Variants in IMMP2L observed in about 807,000 individuals in gnomAD.
IMMP2L encodes the protein inner mitochondrial membrane peptidase subunit 2, also known as mitochondrial inner membrane protease subunit 2.
IMMP2L carries 18 observed loss-of-function variants against 19.3 expected under a neutral mutation model. The ratio of observed to expected loss-of-function variants is 0.93; its 90% CI spans 0.64 to 1.38. The LOEUF (loss-of-function observed/expected upper bound fraction) is 1.38. IMMP2L is among the 40% of genes most tolerant of loss of function. IMMP2L has a pLI of 0.00. For synonymous variants in IMMP2L, 76 were observed against 73.0 expected, an observed-to-expected ratio of 1.04 and a Z score of -0.21; for missense variants, 233 against 218.2, an observed-to-expected ratio of 1.07 and a Z score of -0.43.
intron 3 of IMMP2L, among the ~76,000 whole-genome samples, chr7:111,381,345 T>C (rs1831187341): frequency 6.6e-6 from 1 of 152,010 alleles, no homozygotes; most frequent in South Asian, 2.1e-4. Context: ...AGAGCTACTT[T>C]AGTGAATATG....
intron 1 of IMMP2L, among the ~76,000 whole-genome samples, chr7:111,527,823 G>C (rs1354724211): frequency 2.0e-5 from 3 of 152,094 alleles, no homozygotes; most frequent in Non-Finnish European, 4.4e-5. Flanking sequence ...TTTTCTGAGA[G>C]ATTATAAAGG....
intron 2 of IMMP2L, among the ~76,000 whole-genome samples, chr7:111,497,512 A>G (rs751613520): frequency 3.4e-4 from 52 of 152,152 alleles, no homozygotes; most frequent in Non-Finnish European, 3.7e-4. Context: ...GGAAAAATAT[A>G]TATTTGGATA....
chr7:111,462,461 C>A (rs1036783163), intron 3 of IMMP2L, among the ~76,000 whole-genome samples: 1 of 151,972 alleles, frequency 6.6e-6, no homozygotes, highest in Non-Finnish European at 1.5e-5. Flanking sequence ...AATTAATGAT[C>A]AGGATATTAA....
chr7:111,140,174 A>G (rs1259616807), intron 3 of IMMP2L, among the ~76,000 whole-genome samples: 1 of 152,134 alleles, frequency 6.6e-6, no homozygotes, highest in Non-Finnish European at 1.5e-5. Flanking sequence ...AGAAGGAAAG[A>G]GGGAGACCAA....
intron 3 of IMMP2L, among the ~76,000 whole-genome samples, chr7:111,382,524 TA>T (rs936996534): frequency 6.6e-6 from 1 of 151,904 alleles, no homozygotes; most frequent in Non-Finnish European, 1.5e-5. Flanking sequence ...TTAACTATAA[TA>T]AAAAAATAAT....
chr7:111,179,818 A>T (rs1260092807), intron 3 of IMMP2L, among the ~76,000 whole-genome samples: 1 of 152,090 alleles, frequency 6.6e-6, no homozygotes, highest in Non-Finnish European at 1.5e-5. Flanking sequence ...TCTTCTGGAT[A>T]AATTGCTGTA....
At chr7:110,766,012 A>T (rs1008797866) in intron 5 of IMMP2L, among the ~76,000 whole-genome samples, 15 of 152,188 alleles carry the variant, frequency 9.9e-5, no homozygotes, top group African/African-American at 3.4e-4. Context: ...GACCACATAT[A>T]GCATGTTACA....
chr7:111,141,282 A>T (rs1802858513), intron 3 of IMMP2L, among the ~76,000 whole-genome samples: 1 of 152,150 alleles, frequency 6.6e-6, no homozygotes, highest in South Asian at 2.1e-4. Context: ...ACTACAAAGA[A>T]TGTGAATTTA....
chr7:111,359,989 A>T (rs1365524936), intron 3 of IMMP2L, among the ~76,000 whole-genome samples: 1 of 152,106 alleles, frequency 6.6e-6, no homozygotes, highest in Non-Finnish European at 1.5e-5. Context: ...ATAATAACCT[A>T]TTTGAATTTC....
chr7:111,196,862 A>G (rs1332367075), intron 3 of IMMP2L, among the ~76,000 whole-genome samples: 1 of 152,172 alleles, frequency 6.6e-6, no homozygotes, highest in Non-Finnish European at 1.5e-5. Context: ...AATATATCTT[A>G]GGCACGACTC....
At chr7:111,526,380 G>A (rs1846860602) in intron 1 of IMMP2L, among the ~76,000 whole-genome samples, 1 of 152,106 alleles carries the variant, frequency 6.6e-6, no homozygotes, top group South Asian at 2.1e-4. Context: ...TACCAAAAGA[G>A]GGAAGAAAGC....
chr7:111,469,860 C>T (rs1563231800), intron 3 of IMMP2L, among the ~76,000 whole-genome samples: 1 of 151,962 alleles, frequency 6.6e-6, no homozygotes, highest in Non-Finnish European at 1.5e-5. Flanking sequence ...CAACAAAAGC[C>T]AAAATTGACA....
chr7:111,557,630 T>C (rs571163007), intron 1 of IMMP2L, among the ~76,000 whole-genome samples: 1 of 152,332 alleles, frequency 6.6e-6, no homozygotes, highest in South Asian at 2.1e-4. Context: ...GAGCTCTTGC[T>C]AGATTTCATT....
At chr7:111,549,530 T>A (rs542787089) in intron 1 of IMMP2L, among the ~76,000 whole-genome samples, 1 of 152,344 alleles carries the variant, frequency 6.6e-6, no homozygotes, top group East Asian at 1.9e-4. Flanking sequence ...TTTAACTGAA[T>A]GTTTAGAGTA....
chr7:111,545,564 T>C (rs533759937), intron 1 of IMMP2L, among the ~76,000 whole-genome samples: 5 of 152,190 alleles, frequency 3.3e-5, no homozygotes, highest in African/African-American at 1.2e-4. Context: ...TTTTGTATTT[T>C]TAGTAGAGAC....
chr7:111,383,393 T>C (rs1831394030), intron 3 of IMMP2L, among the ~76,000 whole-genome samples: 1 of 152,126 alleles, frequency 6.6e-6, no homozygotes, highest in Admixed American at 6.6e-5. Flanking sequence ...ATAATTATTT[T>C]GTGTGATTAA....
At chr7:111,341,862 AGTTTGAGGCTGTGT>A (rs911843099) in intron 3 of IMMP2L, among the ~76,000 whole-genome samples, 9 of 152,070 alleles carry the variant, frequency 5.9e-5, no homozygotes, top group African/African-American at 2.2e-4. Flanking sequence ...ATTACAAAAG[AGTTTGAGGCTGTGT>A]GTTTGATCTC....
chr7:111,279,345 T>C (rs1472826238), intron 3 of IMMP2L, among the ~76,000 whole-genome samples: 1 of 152,104 alleles, frequency 6.6e-6, no homozygotes, highest in African/African-American at 2.4e-5. Context: ...ATGACCTTAT[T>C]TGGAAAAAGC....
chr7:111,496,212 G>A (rs1386488387), intron 2 of IMMP2L, among the ~76,000 whole-genome samples: 3 of 152,084 alleles, frequency 2.0e-5, no homozygotes, highest in African/African-American at 7.2e-5. Context: ...CTATTCAGGG[G>A]TCTCCATAAT....
Sources: allele counts gnomAD v4.1 joint callset (sites outside exome capture counted in the v4.1 genomes callset), GRCh38; gene constraint gnomAD v4.1.1; transcripts MANE v1.5; gene names NCBI Gene and HGNC (gene_info 2026-07-23, HGNC 2026-07-21).